The following MTHFD1L variants were observed in gnomAD, a reference collection of about 807,000 sequenced individuals.
MTHFD1L encodes the protein monofunctional C1-tetrahydrofolate synthase, mitochondrial.
In MTHFD1L, 81 loss-of-function variants were observed where a neutral mutation model predicts 119.5. The observed-to-expected ratio is 0.68, with a 90% confidence interval of 0.57 to 0.82. The LOEUF (loss-of-function observed/expected upper bound fraction) is 0.82, where lower values mean the gene tolerates loss of function less well. Among genes scored for constraint, MTHFD1L ranks in the 40% least tolerant of loss-of-function variants. The probability of loss-of-function intolerance (pLI) is 0.00; values close to 1 mark genes in which losing one functional copy is unlikely to be tolerated. For missense variants in MTHFD1L, 1,125 were observed against 1,253.4 expected, an observed-to-expected ratio of 0.90 and a Z score of 1.55; for synonymous variants, 430 against 475.2, an observed-to-expected ratio of 0.90 and a Z score of 1.24.
chr6:150,899,712 G>A (rs1243092000), intron 7 of MTHFD1L, among the ~76,000 whole-genome samples: 2 of 152,132 alleles, frequency 1.3e-5, no homozygotes, highest in African/African-American at 4.8e-5. Context: ...AGTGGCTCAC[G>A]CCTGTAATCC....
intron 11 of MTHFD1L, chr6:150,935,342 G>C (rs1583648044): frequency 6.2e-7 from 1 of 1,613,332 alleles, no homozygotes; most frequent in African/African-American, 1.3e-5. Context: ...AGAAAATCAA[G>C]GAGTCCCTGT....
intron 8 of MTHFD1L, among the ~76,000 whole-genome samples, chr6:150,906,010 T>A (rs140114225): frequency 4.4e-4 from 67 of 152,314 alleles, no homozygotes; most frequent in Non-Finnish European, 8.8e-4. Flanking sequence ...GTCAGGTCAG[T>A]TGTGACCTCA....
chr6:150,866,822 C>T (rs1328759497), intron 1 of MTHFD1L, among the ~76,000 whole-genome samples: 1 of 152,182 alleles, frequency 6.6e-6, no homozygotes, highest in Non-Finnish European at 1.5e-5. Flanking sequence ...CCCTGGGCTC[C>T]AGCCTTCCCC....
intron 11 of MTHFD1L, among the ~76,000 whole-genome samples, chr6:150,930,426 C>T (rs1162877230): frequency 6.6e-6 from 1 of 152,048 alleles, no homozygotes; most frequent in African/African-American, 2.4e-5. Context: ...ATAAATGACC[C>T]CTCCATTAAA....
At chr6:150,992,862 G>A (rs1268317375) in intron 20 of MTHFD1L, among the ~76,000 whole-genome samples, 2 of 152,222 alleles carry the variant, frequency 1.3e-5, no homozygotes, top group African/African-American at 2.4e-5. Flanking sequence ...GAAACCCAGA[G>A]ACATGAACAG....
At chr6:151,073,468 A>C (rs1293953635) in intron 26 of MTHFD1L, among the ~76,000 whole-genome samples, 2 of 152,220 alleles carry the variant, frequency 1.3e-5, no homozygotes, top group African/African-American at 4.8e-5. Flanking sequence ...GCATGCAAAG[A>C]TCTAGGAAAA....
chr6:151,056,842 G>A (rs1790023413), intron 26 of MTHFD1L, among the ~76,000 whole-genome samples: 1 of 152,178 alleles, frequency 6.6e-6, no homozygotes, highest in South Asian at 2.1e-4. Flanking sequence ...GGGAAGGGAC[G>A]GAATCCTATT....
chr6:150,953,285 CATAGTCAGCACTGTAGT>C (rs1194717995), intron 16 of MTHFD1L, among the ~76,000 whole-genome samples: 22 of 152,224 alleles, frequency 1.4e-4, no homozygotes, highest in Non-Finnish European at 2.4e-4. Flanking sequence ...TTCCTTAGGA[CATAGTCAGCACTGTAGT>C]ATAGTCAGCA....
intron 4 of MTHFD1L, among the ~76,000 whole-genome samples, chr6:150,881,019 T>C (rs1287869258): frequency 1.3e-5 from 2 of 152,200 alleles, no homozygotes; most frequent in Non-Finnish European, 2.9e-5. Flanking sequence ...TTTGCAAATA[T>C]TTTCTCCCAT....
intron 13 of MTHFD1L, among the ~76,000 whole-genome samples, chr6:150,940,996 C>T (rs1250479197): frequency 1.3e-5 from 2 of 152,212 alleles, no homozygotes; most frequent in African/African-American, 4.8e-5. Flanking sequence ...GAGCACCGTG[C>T]CTGACACTTG....
At chr6:151,015,944 G>A (rs1306123842) in intron 24 of MTHFD1L, among the ~76,000 whole-genome samples, 1 of 152,066 alleles carries the variant, frequency 6.6e-6, no homozygotes, top group Admixed American at 6.5e-5. Flanking sequence ...AAAATTAGGT[G>A]GGCATGGTGG....
intron 26 of MTHFD1L, among the ~76,000 whole-genome samples, chr6:151,062,009 C>G (rs1318315573): frequency 1.3e-5 from 2 of 152,178 alleles, no homozygotes; most frequent in African/African-American, 4.8e-5. Flanking sequence ...CCCAAAGATC[C>G]TGGTCCTCAG....
chr6:150,912,747 TGA>T (rs970756515), intron 8 of MTHFD1L: 1 of 497,808 alleles, frequency 2.0e-6, no homozygotes, highest in African/African-American at 1.9e-5. Flanking sequence ...ATGAGTTAGA[TGA>T]GAGTGTTTAG....
At chr6:151,043,694 A>G (rs1787503824) in intron 26 of MTHFD1L, among the ~76,000 whole-genome samples, 1 of 152,186 alleles carries the variant, frequency 6.6e-6, no homozygotes, top group Admixed American at 6.6e-5. Flanking sequence ...TGAAGAACTT[A>G]GAATACGCAC....
At chr6:150,914,659 A>G (rs1787538845) in intron 8 of MTHFD1L, among the ~76,000 whole-genome samples, 1 of 152,240 alleles carries the variant, frequency 6.6e-6, no homozygotes, top group South Asian at 2.1e-4. Context: ...CCCTCTGTAA[A>G]TAATAACAGT....
intron 26 of MTHFD1L, among the ~76,000 whole-genome samples, chr6:151,044,237 TTTGGCCCCTCTGC>T (rs1203982054): frequency 6.6e-6 from 1 of 151,894 alleles, no homozygotes; most frequent in Non-Finnish European, 1.5e-5. Flanking sequence ...ACTCCTTCAC[TTTGGCCCCTCTGC>T]CCTTTCTGGG....
At position 150,914,229 on chromosome 6, in the gene MTHFD1L, G is replaced by A. The variant is rs533502165; in HGVS notation, c.893-4348G>A. 9.7e-4 allele frequency among the ~76,000 whole-genome samples: 147 copies of A among 151,412 alleles called. 2 individuals are homozygous for A. In the Middle Eastern group the frequency reaches 0.01, roughly 11 times the overall value. On this transcript the variant is annotated intron_variant, in intron 8 of 27. Coordinates refer to ENST00000367321, the MANE Select transcript of MTHFD1L (RefSeq NM_015440.5). ...GGAAGATGGCTTGAGCCTGGGAGGC[G>A]GGGGTTACAGGGAGCTGAGATGGTG...
intron 26 of MTHFD1L, among the ~76,000 whole-genome samples, chr6:151,074,075 A>G (rs6941919): frequency 0.71 from 107,717 of 151,546 alleles, 41,125 homozygotes; most frequent in East Asian, 0.91. Flanking sequence ...AGAAGGTGGT[A>G]GGTCAATATT....
chr6:150,882,343 G>C (rs541278178), intron 4 of MTHFD1L, among the ~76,000 whole-genome samples: 1 of 152,352 alleles, frequency 6.6e-6, no homozygotes, highest in Admixed American at 6.5e-5. Context: ...AGCTGGGCCA[G>C]ATTGGAATGC....
Sources: gnomAD v4.1 joint callset for allele counts (sites outside exome capture counted in the v4.1 genomes callset) on GRCh38, gnomAD v4.1.1 for gene constraint, MANE v1.5 for transcripts, NCBI Gene and HGNC (gene_info 2026-07-23, HGNC 2026-07-21) for gene names.